ATP13A5: variants seen among roughly 807,000 people sequenced by gnomAD.
ATP13A5 encodes ATPase 13A5.
ATP13A5 carries 149 observed loss-of-function variants against 150.2 expected under a neutral mutation model. The ratio of observed to expected loss-of-function variants is 0.99; its 90% confidence interval spans 0.87 to 1.14. ATP13A5 has a LOEUF of 1.14. Among genes scored for constraint, ATP13A5 ranks in the 50% most tolerant of loss-of-function variants. The probability of loss-of-function intolerance (pLI) is 0.00; values close to 1 mark genes in which losing one functional copy is unlikely to be tolerated. For synonymous variants in ATP13A5, 497 were observed against 522.2 expected (o/e 0.95, Z 0.66); for missense variants, 1,383 against 1,449.3 (o/e 0.95, Z 0.74).
intron 9 of ATP13A5, among the ~76,000 whole-genome samples, chr3:193,336,390 C>T (rs112897081): frequency 6.6e-6 from 1 of 152,104 alleles, no homozygotes; most frequent in Non-Finnish European, 1.5e-5. Context: ...CTCCCCACTC[C>T]CCCCACCTCA....
intron 1 of ATP13A5, among the ~76,000 whole-genome samples, chr3:193,374,819 G>A (rs1388239254): frequency 6.6e-6 from 1 of 152,196 alleles, no homozygotes; most frequent in East Asian, 1.9e-4. Context: ...ACAAGTCTCT[G>A]CCCTTGTGAA....
At chr3:193,280,867 A>T (rs1014893464) in intron 27 of ATP13A5, among the ~76,000 whole-genome samples, 1 of 152,186 alleles carries the variant, frequency 6.6e-6, no homozygotes, top group Admixed American at 6.6e-5. Flanking sequence ...TCATTTATTC[A>T]GTGTTGATCT....
At chr3:193,304,782 C>T (rs1412036722) in intron 23 of ATP13A5, among the ~76,000 whole-genome samples, 1 of 152,144 alleles carries the variant, frequency 6.6e-6, no homozygotes, top group Non-Finnish European at 1.5e-5. Flanking sequence ...AGATTACTAC[C>T]TGAGACAGGG....
intron 6 of ATP13A5, among the ~76,000 whole-genome samples, chr3:193,351,887 TG>T (rs1489342564): frequency 6.6e-6 from 1 of 152,222 alleles, no homozygotes; most frequent in Non-Finnish European, 1.5e-5. Context: ...CAACTTTTTT[TG>T]TTCCCTCAAT....
At chr3:193,348,105 C>T (rs1430095298) in intron 7 of ATP13A5, among the ~76,000 whole-genome samples, 4 of 152,140 alleles carry the variant, frequency 2.6e-5, no homozygotes, top group African/African-American at 7.2e-5. Context: ...TGAGTTAATG[C>T]GCTCAGAAAA....
chr3:193,310,710 A>G lies in ATP13A5; in HGVS notation c.2453T>C (p.Val818Ala), dbSNP rs1263174081. The change falls in exon 21 of 30, where the codon GTG becomes GCG. Residue 818 changes from valine (V) to alanine (A), a missense_variant. Transcript: ENST00000342358. ...HFNSLLPKIL[V>A]NGTVFARMSP... ...CATTCTTGCAAAAACTGTTCCATTC[A>G]CCAGAATCTAAAAAGAAAAAACAAC... is the stretch of plus-strand genomic sequence containing the variant. 2 of 1,600,388 alleles carry G rather than the reference A, an allele frequency of 1.2e-6. No individual in the cohort carries two copies. Among genetic ancestry groups the G allele is most frequent in the East Asian group, 2.2e-5 (1 of 44,782 alleles).
chr3:193,304,666 G>T (rs1328508073), intron 23 of ATP13A5, among the ~76,000 whole-genome samples: 1 of 152,120 alleles, frequency 6.6e-6, no homozygotes, highest in Non-Finnish European at 1.5e-5. Flanking sequence ...AATATAAGTA[G>T]ACATGAGATC....
chr3:193,338,925 C>T (rs1162257732), intron 9 of ATP13A5, among the ~76,000 whole-genome samples: 1 of 152,120 alleles, frequency 6.6e-6, no homozygotes, highest in Non-Finnish European at 1.5e-5. Context: ...TGTTATTTGT[C>T]TATTCAGGGA....
intron 25 of ATP13A5, among the ~76,000 whole-genome samples, chr3:193,294,251 G>A (rs1718077779): frequency 6.6e-6 from 1 of 152,028 alleles, no homozygotes. Flanking sequence ...TTATCCTTTA[G>A]TGTTCTAGTC....
At chr3:193,367,786 A>T (rs114879503) in intron 1 of ATP13A5, among the ~76,000 whole-genome samples, 1 of 152,174 alleles carries the variant, frequency 6.6e-6, no homozygotes, top group Non-Finnish European at 1.5e-5. Flanking sequence ...TACATGATTT[A>T]AAAAATTCTC....
intron 9 of ATP13A5, among the ~76,000 whole-genome samples, chr3:193,342,929 T>C (rs1712185544): frequency 1.3e-5 from 2 of 152,334 alleles, no homozygotes; most frequent in African/African-American, 4.8e-5. Context: ...ATGATCAGTA[T>C]GCAAATCCTC....
chr3:193,282,464 T>A (rs759753486), intron 27 of ATP13A5, among the ~76,000 whole-genome samples: 3 of 151,786 alleles, frequency 2.0e-5, no homozygotes, highest in African/African-American at 2.4e-5. Flanking sequence ...AACCTCCGCC[T>A]CCTGGGTTCA....
intron 9 of ATP13A5, among the ~76,000 whole-genome samples, chr3:193,336,338 T>C (rs754247013): frequency 1.1e-4 from 16 of 152,312 alleles, no homozygotes; most frequent in Non-Finnish European, 2.1e-4. Context: ...GCTGCACCCA[T>C]TAAATCATAA....
chr3:193,316,189 T>C (rs1719045231), intron 17 of ATP13A5, among the ~76,000 whole-genome samples: 1 of 152,140 alleles, frequency 6.6e-6, no homozygotes, highest in African/African-American at 2.4e-5. Flanking sequence ...CATATTACAT[T>C]TTTAAAATCC....
At chr3:193,358,641 C>T (rs1403952091) in intron 5 of ATP13A5, among the ~76,000 whole-genome samples, 3 of 152,208 alleles carry the variant, frequency 2.0e-5, no homozygotes, top group African/African-American at 7.2e-5. Context: ...TCATGTGTGA[C>T]CTGCCCATTT....
At position 193,318,986 on chromosome 3, in the gene ATP13A5, C is replaced by T. The variant is rs569995524; in HGVS notation, c.2033+5G>A. On this transcript the variant is annotated splice_donor_5th_base_variant and intron_variant, in intron 17 of 29. Coordinates refer to ENST00000342358, the MANE Select transcript of ATP13A5 (RefSeq NM_198505.4). ...TGCTCTAGTGCCAATTTCTGAATTG[C>T]TTACCTGGCTAAGTGCTCGACTTCT... 15 of 1,608,410 alleles carry T rather than the reference C, an allele frequency of 9.3e-6. No homozygotes were observed. In the South Asian group the frequency reaches 1.5e-4, roughly 17 times the overall value.
rs1393562531 is a variant in ATP13A5 at position 193,319,698 on chromosome 3, C to A, written c.1916-590G>T. ...GGGTGTCAAATGTACCAACTGGGTT[C>A]AGTAAGAACAGACCTCAGGACTGGG... On this transcript the variant is annotated intron_variant, in intron 16 of 29. Transcript: ENST00000342358. 2.0e-5 allele frequency among the ~76,000 whole-genome samples: 3 copies of A among 152,106 alleles called. No individual in the cohort carries two copies. The East Asian group carries it at 5.8e-4, about 29-fold the overall frequency.
At chr3:193,365,069 A>G (rs559582546) in intron 1 of ATP13A5, among the ~76,000 whole-genome samples, 28 of 152,248 alleles carry the variant, frequency 1.8e-4, no homozygotes, top group African/African-American at 3.1e-4. Flanking sequence ...TGTTTTTTAA[A>G]TTTGAAAAGC....
intron 9 of ATP13A5, among the ~76,000 whole-genome samples, chr3:193,341,131 T>A (rs1712103533): frequency 6.6e-6 from 1 of 151,936 alleles, no homozygotes; most frequent in South Asian, 2.1e-4. Context: ...AAAAAAGCTA[T>A]AGTGCCAAGA....
Sources: allele counts gnomAD v4.1 joint callset (sites outside exome capture counted in the v4.1 genomes callset), GRCh38; gene constraint gnomAD v4.1.1; transcripts MANE v1.5; gene names NCBI Gene and HGNC (gene_info 2026-07-23, HGNC 2026-07-21).